The following DHX40 variants were observed in gnomAD, a reference collection of about 807,000 sequenced individuals.
DHX40 encodes probable ATP-dependent RNA helicase DHX40.
Under a neutral mutation model 89.6 loss-of-function variants are expected in DHX40, and 28 were observed. The observed-to-expected ratio is 0.31, with a 90% confidence interval of 0.23 to 0.43. DHX40 has a LOEUF of 0.43. Ranked by LOEUF, DHX40 falls within the 20% of genes least tolerant of loss-of-function variation. The pLI is 1.00. For missense variants in DHX40, 457 were observed against 844.0 expected, an observed-to-expected ratio of 0.54 and a Z score of 5.68; for synonymous variants, 226 against 283.6, an observed-to-expected ratio of 0.80 and a Z score of 2.04.
intron 2 of DHX40, among the ~76,000 whole-genome samples, chr17:59,568,998 G>C (rs549409970): frequency 6.6e-6 from 1 of 152,074 alleles, no homozygotes; most frequent in Non-Finnish European, 1.5e-5. Flanking sequence ...GATTACAGGT[G>C]TGTACCACTG....
At chr17:59,588,207 C>A (rs1247807814) in intron 12 of DHX40, among the ~76,000 whole-genome samples, 154 bp downstream of exon 12, 2 of 139,960 alleles carry the variant, frequency 1.4e-5, no homozygotes, top group Non-Finnish European at 3.0e-5. Context: ...CATGGTAAAA[C>A]CCCATCTCTA....
chr17:59,595,022 A>C (rs1206850801), intron 12 of DHX40, among the ~76,000 whole-genome samples: 4 of 152,146 alleles, frequency 2.6e-5, no homozygotes, highest in Admixed American at 2.6e-4. Flanking sequence ...TTCCCAGTAC[A>C]GTTGACCCTT....
intron 12 of DHX40, among the ~76,000 whole-genome samples, chr17:59,594,222 A>G (rs2049120338): frequency 1.3e-5 from 2 of 151,352 alleles, no homozygotes; most frequent in Admixed American, 6.6e-5. Flanking sequence ...GTCTGTCTCT[A>G]TTGGTGTCAC....
At chr17:59,594,091 CTATT>C (rs1325600320) in intron 12 of DHX40, among the ~76,000 whole-genome samples, 4 of 152,210 alleles carry the variant, frequency 2.6e-5, no homozygotes, top group Non-Finnish European at 5.9e-5. Context: ...CATTCCCTCT[CTATT>C]TACTTCTCAG....
At chr17:59,574,977 C>T (rs9912316) in intron 6 of DHX40, among the ~76,000 whole-genome samples, 8,692 of 152,202 alleles carry the variant, frequency 0.057, 822 homozygotes, top group African/African-American at 0.2. Context: ...GGGATTGTCA[C>T]AATCTTTGCC....
At chr17:59,604,914 T>A in intron 15 of DHX40, 1 of 550,876 alleles carries the variant, frequency 1.8e-6, no homozygotes, top group East Asian at 2.9e-5. Flanking sequence ...TATACCTAAT[T>A]GTAGTGACTG....
intron 2 of DHX40, among the ~76,000 whole-genome samples, chr17:59,567,633 T>A (rs561397869): frequency 6.6e-6 from 1 of 152,142 alleles, no homozygotes; most frequent in Non-Finnish European, 1.5e-5. Flanking sequence ...CAAAAGCCAA[T>A]TAAAAAGTTT....
At chr17:59,566,935 C>G in intron 2 of DHX40, 141 bp downstream of exon 2, 1 of 688,466 alleles carries the variant, frequency 1.5e-6, no homozygotes, top group South Asian at 3.1e-5. Context: ...TCCCCTATGT[C>G]TCCTTTGCTT....
intron 1 of DHX40, among the ~76,000 whole-genome samples, chr17:59,566,348 C>A (rs770406778): frequency 5.3e-5 from 8 of 152,166 alleles, no homozygotes; most frequent in Non-Finnish European, 1.2e-4. Flanking sequence ...CATGTGTATA[C>A]GTTGCCTTGA....
intron 13 of DHX40, among the ~76,000 whole-genome samples, chr17:59,599,085 AT>A (rs2030307643): frequency 6.6e-6 from 1 of 152,192 alleles, no homozygotes; most frequent in African/African-American, 2.4e-5. Context: ...ACCTTATAGA[AT>A]TTTGCTTCTA....
intron 10 of DHX40, among the ~76,000 whole-genome samples, chr17:59,580,841 G>A (rs2048937016): frequency 6.6e-6 from 1 of 151,026 alleles, no homozygotes; most frequent in Admixed American, 6.6e-5. Flanking sequence ...TAGCACTTTG[G>A]GAGGCCAAAG....
chr17:59,589,070 C>G (rs1440133047), intron 12 of DHX40, among the ~76,000 whole-genome samples: 1 of 152,090 alleles, frequency 6.6e-6, no homozygotes, highest in Admixed American at 6.6e-5. Context: ...CAATACCACA[C>G]TGTCCTGGTT....
In DHX40 at chr17:59,566,662, ACTC is replaced by A; in HGVS notation, c.150_152del (p.Pro51del). The A allele has an allele frequency of 1.2e-6, 2 of 1,603,152 alleles. No individual in the cohort carries two copies. Among genetic ancestry groups the A allele is most frequent in the Non-Finnish European group, 1.7e-6 (2 of 1,177,270 alleles). On this transcript the variant is annotated inframe_deletion, in exon 2 of 18. Transcript: ENST00000251241. ...ATGCACGTCCCAGGAGGGAGGAACT[ACTC>A]CAACTTTTCCTATTCAGAAACAAAG...
At chr17:59,569,693 A>T (rs1285283241) in intron 2 of DHX40, among the ~76,000 whole-genome samples, 1 of 136,250 alleles carries the variant, frequency 7.3e-6, no homozygotes, top group Non-Finnish European at 1.5e-5. Flanking sequence ...CTCAAAAAAG[A>T]AAAAAATATA....
chr17:59,572,671 G>C (rs146945529), intron 3 of DHX40, among the ~76,000 whole-genome samples: 1 of 152,192 alleles, frequency 6.6e-6, no homozygotes, highest in Admixed American at 6.5e-5. Flanking sequence ...GAGCTACCGT[G>C]TCTGACCTAA....
chr17:59,570,568 G>A lies in DHX40; in HGVS notation c.331G>A (p.Ala111Thr). The stretch of plus-strand genomic sequence containing the variant: ...TGTAACTCAACCACGAAAAGTAGCT[G>A]CTATATCAGTTGCTCAGAGAGTAGC... ...IGVTQPRKVA[A>T]ISVAQRVAEE... is the part of the protein sequence containing the mutation. Residue 111 changes from alanine (A) to threonine (T), a missense_variant, in exon 3 of 18, where the codon GCT becomes ACT. Transcript: ENST00000251241. 1 of 1,609,792 alleles carries A rather than the reference G, an allele frequency of 6.2e-7. No homozygotes were observed. Among genetic ancestry groups the A allele is most frequent in the Non-Finnish European group, 8.5e-7 (1 of 1,178,088 alleles).
Position 59,570,104 on chromosome 17 carries a change from TATA to T in DHX40, c.281-410_281-408del, listed in dbSNP as rs1460286745. 1.8e-4 allele frequency among the ~76,000 whole-genome samples: 23 copies of T among 127,854 alleles called. 1 individual carries two copies. The highest frequency in any genetic ancestry group is 3.7e-3 in the Middle Eastern group (1 of 272). The allele number at this position is 127,854 out of a possible 152,430, so 83.9% of individuals were successfully genotyped here. On this transcript the variant is annotated intron_variant, in intron 2 of 17. Transcript: ENST00000251241. ...TTTATATATAATATATAGTATATAT[TATA>T]ATATATTATAATGTATATTTATATA... is the stretch of plus-strand genomic sequence containing the variant.
At chr17:59,596,288 C>G (rs193172148) in intron 12 of DHX40, among the ~76,000 whole-genome samples, 644 of 152,352 alleles carry the variant, frequency 4.2e-3, no homozygotes, top group Middle Eastern at 0.017. Context: ...GTATCCCTGG[C>G]TGGCGTGTTG....
chr17:59,569,850 A>G (rs1460938475), intron 2 of DHX40, among the ~76,000 whole-genome samples: 1 of 146,050 alleles, frequency 6.8e-6, no homozygotes, highest in Non-Finnish European at 1.5e-5. Context: ...GTACAAGACC[A>G]GCCTGACCAA....
Sources: allele counts gnomAD v4.1 joint callset (sites outside exome capture counted in the v4.1 genomes callset), GRCh38; gene constraint gnomAD v4.1.1; transcripts MANE v1.5; gene names NCBI Gene and HGNC (gene_info 2026-07-23, HGNC 2026-07-21).